ZNF91: variants seen among roughly 807,000 people sequenced by gnomAD.
ZNF91 encodes the protein zinc finger protein 91.
In ZNF91, 7 loss-of-function variants were observed where a neutral mutation model predicts 12.6. The ratio of observed to expected loss-of-function variants is 0.55; its 90% CI spans 0.31 to 1.04. ZNF91 has a LOEUF of 1.04. Among genes scored for constraint, ZNF91 ranks in the 50% least tolerant of loss-of-function variants. The pLI is 0.05. For synonymous variants in ZNF91, 453 were observed against 462.6 expected (o/e 0.98, Z 0.27); for missense variants, 1,217 against 1,385.4 (o/e 0.88, Z 1.93).
At chr19:23,339,240 AAC>A (rs1968077230) in intron 3 of ZNF91, 4 of 152,154 alleles carry the variant, frequency 2.6e-5, no homozygotes, top group South Asian at 2.1e-4. Context: ...CATCAAATAA[AAC>A]AGACTTTAAA....
chr19:23,380,584 AGATT>A (rs1969676972), intron 1 of ZNF91: 1 of 152,198 alleles, frequency 6.6e-6, no homozygotes. Flanking sequence ...ATTCCGAGAA[AGATT>A]ATATTGAGAG....
At chr19:23,381,933 G>A (rs1211344991) in intron 1 of ZNF91, among the ~76,000 whole-genome samples, 2 of 151,046 alleles carry the variant, frequency 1.3e-5, no homozygotes, top group Non-Finnish European at 2.9e-5. Flanking sequence ...TTTAGAATGA[G>A]CAAGACTGAA....
chr19:23,371,358 G>GA (rs1017394205), intron 3 of ZNF91, among the ~76,000 whole-genome samples: 4 of 147,806 alleles, frequency 2.7e-5, no homozygotes, highest in East Asian at 2.0e-4. Flanking sequence ...AAACAAAAAA[G>GA]AAAAAAAAAT....
intron 1 of ZNF91, among the ~76,000 whole-genome samples, chr19:23,392,521 C>T (rs1161354901): frequency 1.3e-5 from 2 of 151,952 alleles, no homozygotes; most frequent in African/African-American, 4.8e-5. Context: ...GAACCAGGCA[C>T]GACAGCTCAC....
chr19:23,359,949 A>G lies in ZNF91; in HGVS notation c.3030T>C (p.Thr1010=), dbSNP rs772982948. The change falls in exon 4 of 4, where the codon ACT becomes ACC. Residue 1010 remains threonine (T), a synonymous_variant. Transcript: ENST00000300619. The stretch of plus-strand genomic sequence containing the variant: ...CTCCAGTGTGCATCCTCGTATGTCT[A>G]GTTAGGGTTGAGGATTGGCTAAATG... ...GKAFSQSSTL[T]RHTRMHTGEK... 1.9e-6 allele frequency: 3 copies of G among 1,611,924 alleles called. No homozygotes were observed. Among genetic ancestry groups the G allele is most frequent in the African/African-American group, 1.3e-5 (1 of 74,804 alleles).
At position 23,368,510 on chromosome 19, in the gene ZNF91, A is replaced by ATCTCTCTCTCTC. The variant is rs573590418; in HGVS notation, c.253+5220_253+5231dup. ...AGCCTGGGTGACAGAGCGAAACTCC[A>ATCTCTCTCTCTC]TCTCTCTCTCTCTCTCTCTCTCTCT... On this transcript the variant is annotated intron_variant, in intron 3 of 3. Coordinates refer to ENST00000300619, the MANE Select transcript of ZNF91 (RefSeq NM_003430.4). 2.0e-3 allele frequency among the ~76,000 whole-genome samples: 189 copies of ATCTCTCTCTCTC among 94,316 alleles called. 2 individuals are homozygous for ATCTCTCTCTCTC. The highest frequency in any genetic ancestry group is 3.3e-3 in the Non-Finnish European group (166 of 49,942). 61.9% of individuals were successfully genotyped at this position (94,316 alleles called of 152,430 possible).
At position 23,395,386 on chromosome 19, in the gene ZNF91, A is replaced by C; in HGVS notation, c.-32T>G. 1 of 1,612,432 alleles carries C rather than the reference A, an allele frequency of 6.2e-7. No homozygotes were observed. The highest frequency in any genetic ancestry group is 8.5e-7 in the Non-Finnish European group (1 of 1,179,200). On this transcript the variant is annotated 5_prime_UTR_variant, in exon 1 of 4. Transcript: ENST00000300619. ...TGTGGCTCTCCAATACCTGCAGGTC[A>C]CAGGGCCACACAGGCTGGGCCTCCT...
In ZNF91 at chr19:23,333,391, G is replaced by A. The variant is rs1174507211; in HGVS notation, n.117-24294C>T. ...TATGAGCCAAGTAAAGGCAACAATT[G>A]AATTGGCTTGACTACTCATCTAATC... is the stretch of plus-strand genomic sequence containing the variant. On this transcript the variant is annotated intron_variant and non_coding_transcript_variant, in intron 1 of 1. Transcript: ENST00000596528. Among the ~76,000 whole-genome samples, 6 of 152,192 alleles carry A rather than the reference G, an allele frequency of 3.9e-5. No individual in the cohort carries two copies. In the East Asian group the frequency reaches 1.2e-3, roughly 29 times the overall value.
intron 1 of ZNF91, among the ~76,000 whole-genome samples, chr19:23,323,434 ATTCTT>A (rs1308281525): frequency 1.8e-5 from 2 of 112,338 alleles, no homozygotes; most frequent in South Asian, 2.9e-4. Flanking sequence ...CCTTCTCCCC[ATTCTT>A]TTCCTTTTTT....
At chr19:23,338,336 T>C (rs761238020), downstream of ZNF91, 19 of 151,878 alleles carry the variant, frequency 1.3e-4, no homozygotes, top group Non-Finnish European at 2.4e-4. Flanking sequence ...GAAACTTTAC[T>C]GACCAGAAGA....
intron 2 of ZNF91, among the ~76,000 whole-genome samples, 166 bp from the exon 3 acceptor site, chr19:23,374,003 A>G (rs1599742398): frequency 1.3e-5 from 2 of 152,224 alleles, no homozygotes; most frequent in East Asian, 3.9e-4. Flanking sequence ...TTAATTTTAT[A>G]GGTTCTTAAT....
At chr19:23,387,771 C>T (rs565097734) in intron 1 of ZNF91, among the ~76,000 whole-genome samples, 1 of 151,746 alleles carries the variant, frequency 6.6e-6, no homozygotes, top group African/African-American at 2.4e-5. Flanking sequence ...AAAACCCCAT[C>T]TCTTCTAAAA....
At chr19:23,316,437 G>A (rs965605550) in intron 1 of ZNF91, among the ~76,000 whole-genome samples, 23 of 152,270 alleles carry the variant, frequency 1.5e-4, no homozygotes, top group African/African-American at 5.1e-4. Flanking sequence ...TTGACATATT[G>A]CTGGGCTTAT....
chr19:23,368,558 C>CTATATA (rs1392705570), intron 3 of ZNF91, among the ~76,000 whole-genome samples: 201 of 121,852 alleles, frequency 1.6e-3, no homozygotes, highest in Middle Eastern at 8.8e-3. Flanking sequence ...CTCTCTCTCT[C>CTATATA]TCTCTATATA....
At chr19:23,331,778 T>G (rs908411000) in intron 1 of ZNF91, among the ~76,000 whole-genome samples, 1 of 152,208 alleles carries the variant, frequency 6.6e-6, no homozygotes, top group Non-Finnish European at 1.5e-5. Flanking sequence ...GGGAGAAGTA[T>G]CAGTGTATTG....
downstream of ZNF91, chr19:23,338,240 AG>A (rs1296904060): frequency 6.6e-6 from 1 of 152,178 alleles, no homozygotes; most frequent in East Asian, 1.9e-4. Flanking sequence ...GTCAAAGTGA[AG>A]GAAGTAATTC....
chr19:23,318,001 T>C (rs1352128432), intron 1 of ZNF91, among the ~76,000 whole-genome samples: 2 of 152,142 alleles, frequency 1.3e-5, no homozygotes, highest in Non-Finnish European at 2.9e-5. Flanking sequence ...CCTGAGCCCA[T>C]CCCACAGATG....
chr19:23,315,969 A>G (rs1221748134), intron 1 of ZNF91, among the ~76,000 whole-genome samples: 1 of 152,122 alleles, frequency 6.6e-6, no homozygotes, highest in Non-Finnish European at 1.5e-5. Flanking sequence ...CCTTTGCCCA[A>G]CATACATTGT....
chr19:23,366,344 A>G (rs1969015917), intron 3 of ZNF91, among the ~76,000 whole-genome samples: 1 of 152,252 alleles, frequency 6.6e-6, no homozygotes, highest in Non-Finnish European at 1.5e-5. Flanking sequence ...ATCCTTAAAG[A>G]TCTTCTATAG....
Sources: gnomAD v4.1 joint callset for allele counts (sites outside exome capture counted in the v4.1 genomes callset) on GRCh38, gnomAD v4.1.1 for gene constraint, MANE v1.5 for transcripts, NCBI Gene and HGNC (gene_info 2026-07-23, HGNC 2026-07-21) for gene names.